MAPKAPK5: variants seen among roughly 807,000 people sequenced by gnomAD.
The protein encoded by MAPKAPK5 is MAP kinase-activated protein kinase 5.
MAPKAPK5 carries 30 observed loss-of-function variants against 65.1 expected under a neutral mutation model. The observed-to-expected ratio is 0.46, with a 90% confidence interval of 0.34 to 0.63. The LOEUF is 0.63. Ranked by LOEUF, MAPKAPK5 falls within the 20% of genes least tolerant of loss-of-function variation. The probability of loss-of-function intolerance (pLI) is 0.01; values close to 1 mark genes in which losing one functional copy is unlikely to be tolerated. For missense variants in MAPKAPK5, 433 were observed against 581.4 expected (o/e 0.74, Z 2.63); for synonymous variants, 179 against 204.6 (o/e 0.87, Z 1.07).
intron 7 of MAPKAPK5, among the ~76,000 whole-genome samples, chr12:111,875,382 TTTTTTTTAAAATTTAAAAAAAA>T (rs1345921260): frequency 4.9e-4 from 75 of 152,038 alleles, no homozygotes; most frequent in African/African-American, 1.8e-3. Context: ...TGAAATGCCA[TTTTTTTTAAAATTTAAAAAAAA>T]TTTTTTTAAA....
In MAPKAPK5 at chr12:111,866,682, T is replaced by G. The variant is rs57954984; in HGVS notation, c.186+451T>G. Reference sequence around the variant, plus strand: ...TGGAGTGCGATGGCGCAATCTCGGCTTACGGCAACCTCCGCCTCCCGGGTT... The same window carrying G: ...TGGAGTGCGATGGCGCAATCTCGGCGTACGGCAACCTCCGCCTCCCGGGTT... On this transcript the variant is annotated intron_variant, in intron 3 of 13. Transcript: ENST00000550735. 6.6e-3 allele frequency among the ~76,000 whole-genome samples: 1,007 copies of G among 152,224 alleles called. 14 individuals carry two copies. Among genetic ancestry groups the G allele is most frequent in the African/African-American group, 0.023 (961 of 41,558 alleles).
intron 3 of MAPKAPK5, 69 bp downstream of exon 3, chr12:111,866,300 C>T (rs2069609350): frequency 1.4e-6 from 2 of 1,401,144 alleles, no homozygotes; most frequent in Non-Finnish European, 2.0e-6. Context: ...GCAAGTAAGG[C>T]AGCTTCCTAG....
At chr12:111,873,415 C>A (rs2069850422) in intron 7 of MAPKAPK5, among the ~76,000 whole-genome samples, 1 of 152,144 alleles carries the variant, frequency 6.6e-6, no homozygotes, top group East Asian at 1.9e-4. Context: ...GCGATCTCGA[C>A]TCACTGCAAC....
chr12:111,895,481 T>A lies in MAPKAPK5; in HGVS notation c.*2420T>A, dbSNP rs1325597411. On this transcript the variant is annotated 3_prime_UTR_variant, in exon 14 of 14. Coordinates refer to ENST00000550735, the MANE Select transcript of MAPKAPK5 (RefSeq NM_003668.4). ...AAGTTCACTAATCTTAGGTGACTGA[T>A]AACTGTTATAAATGGATTTCCTGTA... 1 of 151,744 alleles carries A rather than the reference T, an allele frequency of 6.6e-6. No homozygotes were observed. The highest frequency in any genetic ancestry group is 1.5e-5 in the Non-Finnish European group (1 of 67,984). The allele number at this position is 151,744 out of a possible 1,614,324, so 9.4% of individuals were successfully genotyped here.
intron 1 of MAPKAPK5, among the ~76,000 whole-genome samples, chr12:111,849,948 T>C (rs1371468124): frequency 6.6e-6 from 1 of 150,694 alleles, no homozygotes; most frequent in Admixed American, 6.6e-5. Flanking sequence ...GGTCTCCAGC[T>C]CTTGAGCTCA....
Position 111,893,206 on chromosome 12 carries a change from T to G in MAPKAPK5, c.*145T>G. ...AGATTTAGGGTGCAGGACTTAATAATAGTATAGTTATTGTTTGTTTTTAAG... is the reference window on the plus strand; with the variant it reads ...AGATTTAGGGTGCAGGACTTAATAAGAGTATAGTTATTGTTTGTTTTTAAG... On this transcript the variant is annotated 3_prime_UTR_variant, in exon 14 of 14. Transcript: ENST00000550735. 2.0e-6 allele frequency: 1 copy of G among 495,744 alleles called. No homozygotes were observed. Among genetic ancestry groups the G allele is most frequent in the Non-Finnish European group, 3.4e-6 (1 of 292,252 alleles). The allele number at this position is 495,744 out of a possible 1,614,324, so 30.7% of individuals were successfully genotyped here. A position where few individuals can be genotyped will look rare whatever the true frequency, so the allele number is the denominator to read the frequency against.
chr12:111,879,533 G>A (rs1593171027), intron 7 of MAPKAPK5, among the ~76,000 whole-genome samples: 1 of 151,882 alleles, frequency 6.6e-6, no homozygotes. Context: ...GGGATTACAG[G>A]CGCCCACCAC....
At chr12:111,870,242 A>G (rs545284205) in intron 5 of MAPKAPK5, 29 bp from the exon 6 acceptor site, 3 of 1,541,062 alleles carry the variant, frequency 1.9e-6, no homozygotes, top group Middle Eastern at 1.7e-4. Flanking sequence ...TTTTCTAAGA[A>G]GCGACTGTTT....
At chr12:111,887,048 T>C (rs1392602661) in intron 10 of MAPKAPK5, among the ~76,000 whole-genome samples, 2 of 151,964 alleles carry the variant, frequency 1.3e-5, no homozygotes, top group Non-Finnish European at 2.9e-5. Flanking sequence ...GTCTTTTAGG[T>C]TTTAGATATT....
intron 1 of MAPKAPK5, among the ~76,000 whole-genome samples, chr12:111,858,554 T>C (rs926714693): frequency 2.7e-5 from 4 of 150,898 alleles, no homozygotes; most frequent in African/African-American, 9.8e-5. Flanking sequence ...TTTTTTTTTT[T>C]TTTTTCCAAA....
At chr12:111,854,090 AT>A (rs2069165463) in intron 1 of MAPKAPK5, among the ~76,000 whole-genome samples, 1 of 152,146 alleles carries the variant, frequency 6.6e-6, no homozygotes, top group East Asian at 1.9e-4. Context: ...TTTAATCTAT[AT>A]TCATGATAGA....
chr12:111,860,392 AC>A (rs1213298001), intron 1 of MAPKAPK5, among the ~76,000 whole-genome samples: 1 of 152,204 alleles, frequency 6.6e-6, no homozygotes, highest in African/African-American at 2.4e-5. Context: ...GAAGAGCTTA[AC>A]TCAGACTTTC....
chr12:111,855,463 G>A (rs117238296), intron 1 of MAPKAPK5, among the ~76,000 whole-genome samples: 295 of 152,198 alleles, frequency 1.9e-3, no homozygotes, highest in Admixed American at 4.5e-3. Context: ...AATTGTGTTT[G>A]CATTTTCATT....
intron 13 of MAPKAPK5, 89 bp downstream of exon 13, chr12:111,890,233 G>A (rs1395362503): frequency 2.7e-5 from 27 of 1,016,248 alleles, no homozygotes; most frequent in Non-Finnish European, 3.6e-5. Flanking sequence ...CCTGAGCTGC[G>A]GCTGTTTTGA....
In MAPKAPK5 at chr12:111,842,788, C is replaced by T; in HGVS notation, c.36+19C>T. The T allele has an allele frequency of 6.1e-6, 8 of 1,316,480 alleles. No individual in the cohort carries two copies. Among genetic ancestry groups the T allele is most frequent in the Non-Finnish European group, 7.8e-6 (8 of 1,023,964 alleles). 81.5% of individuals were successfully genotyped at this position (1,316,480 alleles called of 1,614,324 possible). ...CATCAAGGTAAGGGGGAGGTGCCCC[C>T]TCTTCCCCCGCGTTGTCCTGTGGCG... On this transcript the variant is annotated intron_variant, in intron 1 of 13. Transcript: ENST00000550735.
Position 111,868,742 on chromosome 12 carries a change from C to A in MAPKAPK5, c.285-11C>A. The A allele has an allele frequency of 6.8e-7, 1 of 1,480,084 alleles. No individual in the cohort carries two copies. The allele number at this position is 1,480,084 out of a possible 1,614,324, so 91.7% of individuals were successfully genotyped here. ...TTTTTTAACTTAACAAAATCAAATG[C>A]TTTCAAACAGGGCCCGACTCTTAAT... On this transcript the variant is annotated splice_polypyrimidine_tract_variant and intron_variant, in intron 4 of 13. Transcript: ENST00000550735.
At chr12:111,875,025 C>T (rs972554943) in intron 7 of MAPKAPK5, among the ~76,000 whole-genome samples, 1 of 152,124 alleles carries the variant, frequency 6.6e-6, no homozygotes, top group Admixed American at 6.5e-5. Context: ...GATCTGCCTA[C>T]CTTGGCCTCC....
chr12:111,871,002 G>A, intron 6 of MAPKAPK5, 83 bp from the exon 7 acceptor site: 2 of 980,980 alleles, frequency 2.0e-6, no homozygotes, highest in South Asian at 3.0e-5. Context: ...TTAGATCTCA[G>A]GGTAACATGT....
chr12:111,891,069 G>A (rs1178014894), intron 13 of MAPKAPK5, among the ~76,000 whole-genome samples: 2 of 151,926 alleles, frequency 1.3e-5, no homozygotes, highest in Non-Finnish European at 2.9e-5. Context: ...ACTTGTTTCC[G>A]CGTTTTTTTG....
Sources: gnomAD v4.1 joint callset for allele counts (sites outside exome capture counted in the v4.1 genomes callset) on GRCh38, gnomAD v4.1.1 for gene constraint, MANE v1.5 for transcripts, NCBI Gene and HGNC (gene_info 2026-07-23, HGNC 2026-07-21) for gene names.